The following AGBL3 variants were observed in gnomAD, a reference collection of about 807,000 sequenced individuals.
AGBL3 encodes cytosolic carboxypeptidase 3.
AGBL3 carries 68 observed loss-of-function variants against 94.5 expected under a neutral mutation model. The ratio of observed to expected loss-of-function variants is 0.72; its 90% CI spans 0.59 to 0.88. The LOEUF (loss-of-function observed/expected upper bound fraction) is 0.88. AGBL3 is among the 40% of genes least tolerant of loss of function. AGBL3 has a pLI of 0.00. For synonymous variants in AGBL3, 354 were observed against 370.7 expected (o/e 0.95, Z 0.52); for missense variants, 934 against 1,103.8 (o/e 0.85, Z 2.18).
chr7:135,092,903 TTAA>T (rs1822063592), intron 15 of AGBL3: 1 of 151,992 alleles, frequency 6.6e-6, no homozygotes, highest in Non-Finnish European at 1.5e-5. Flanking sequence ...ATATACCATG[TTAA>T]TAGAATATAA....
intron 3 of AGBL3, among the ~76,000 whole-genome samples, chr7:134,991,492 A>T (rs1032841062): frequency 1.3e-5 from 2 of 152,044 alleles, no homozygotes; most frequent in Non-Finnish European, 2.9e-5. Context: ...AGAATTTCTC[A>T]ACCTCTACAC....
chr7:135,051,731 T>C (rs1584948492), intron 11 of AGBL3, among the ~76,000 whole-genome samples: 1 of 152,132 alleles, frequency 6.6e-6, no homozygotes, highest in African/African-American at 2.4e-5. Context: ...TGTATCTCCC[T>C]TCTCTTATAC....
At chr7:135,089,746 T>C (rs980368220) in intron 15 of AGBL3, among the ~76,000 whole-genome samples, 1 of 152,190 alleles carries the variant, frequency 6.6e-6, no homozygotes, top group Non-Finnish European at 1.5e-5. Context: ...GTTTTCCCCA[T>C]AGTGGGAAGA....
chr7:135,032,881 G>A lies in AGBL3; in HGVS notation c.456G>A (p.Gly152=). The A allele has an allele frequency of 3.2e-6, 5 of 1,550,726 alleles. No individual in the cohort carries two copies. Among genetic ancestry groups the A allele is most frequent in the Non-Finnish European group, 4.4e-6 (5 of 1,146,556 alleles). Reference sequence around the variant, plus strand: ...CCTGTTTTGTGTATTCCCGAGTTGGGGGTAACCGAACACCTTTGAAGCAGC... The same window carrying A: ...CCTGTTTTGTGTATTCCCGAGTTGGAGGTAACCGAACACCTTTGAAGCAGC... ...KEPCFVYSRV[G]GNRTPLKQPV... Residue 152 remains glycine (G), a synonymous_variant, in exon 6 of 17, where the codon GGG becomes GGA. Coordinates refer to ENST00000436302, the MANE Select transcript of AGBL3 (RefSeq NM_178563.4).
chr7:135,073,916 TC>T (rs1343856472), intron 12 of AGBL3, among the ~76,000 whole-genome samples: 1 of 152,190 alleles, frequency 6.6e-6, no homozygotes, highest in African/African-American at 2.4e-5. Flanking sequence ...TTTACTTCTT[TC>T]TTTGGAGGCA....
intron 8 of AGBL3, among the ~76,000 whole-genome samples, chr7:135,041,841 A>G (rs1816887843): frequency 1.3e-5 from 2 of 152,318 alleles, no homozygotes; most frequent in African/African-American, 4.8e-5. Context: ...TAGTAATAAA[A>G]CAACCCAATT....
At chr7:135,048,080 G>A (rs1817540216) in intron 11 of AGBL3, among the ~76,000 whole-genome samples, 1 of 151,782 alleles carries the variant, frequency 6.6e-6, no homozygotes, top group Admixed American at 6.6e-5. Context: ...TGGATAGCCA[G>A]TTTCCCACCA....
chr7:135,023,574 G>C (rs545488114), intron 5 of AGBL3, among the ~76,000 whole-genome samples: 1 of 152,262 alleles, frequency 6.6e-6, no homozygotes, highest in South Asian at 2.1e-4. Flanking sequence ...TGGAGCCCAG[G>C]GGATTTTGCA....
At chr7:135,050,173 G>A (rs1817744721) in intron 11 of AGBL3, among the ~76,000 whole-genome samples, 1 of 151,582 alleles carries the variant, frequency 6.6e-6, no homozygotes, top group Non-Finnish European at 1.5e-5. Flanking sequence ...AAGATTCTGC[G>A]TTTAATTTCT....
Position 134,993,679 on chromosome 7 carries a change from G to C in AGBL3, c.310+1G>C, listed in dbSNP as rs1451134018. 1 of 1,544,440 alleles carries C rather than the reference G, an allele frequency of 6.5e-7. No individual in the cohort carries two copies. The highest frequency in any genetic ancestry group is 1.4e-5 in the African/African-American group (1 of 72,832). ...ATCGATGAAAAAGTCCAGCATATTGGTATGTTTTTAGCAGTTTGGGGGATT... is the reference window on the plus strand; with the variant it reads ...ATCGATGAAAAAGTCCAGCATATTGCTATGTTTTTAGCAGTTTGGGGGATT... On this transcript the variant is annotated splice_donor_variant, in intron 4 of 16. Transcript: ENST00000436302. LOFTEE classifies it high-confidence loss of function.
At chr7:135,115,049 A>G (rs1404262090) in intron 15 of AGBL3, among the ~76,000 whole-genome samples, 1 of 152,166 alleles carries the variant, frequency 6.6e-6, no homozygotes, top group African/African-American at 2.4e-5. Flanking sequence ...GTCTCGAATT[A>G]TCTTTCCCCT....
At chr7:135,055,649 T>C (rs1818279253) in intron 11 of AGBL3, among the ~76,000 whole-genome samples, 1 of 152,190 alleles carries the variant, frequency 6.6e-6, no homozygotes, top group Non-Finnish European at 1.5e-5. Flanking sequence ...TTATTCCTTG[T>C]TGTACTCAAT....
chr7:135,029,354 C>T (rs900641435), intron 5 of AGBL3, among the ~76,000 whole-genome samples: 9 of 152,222 alleles, frequency 5.9e-5, no homozygotes, highest in Non-Finnish European at 8.8e-5. Flanking sequence ...TTAGCTAGAA[C>T]TGGACAACTT....
intron 4 of AGBL3, among the ~76,000 whole-genome samples, chr7:135,008,368 A>G (rs1812667516): frequency 6.6e-6 from 1 of 152,126 alleles, no homozygotes; most frequent in Middle Eastern, 3.2e-3. Context: ...GGATGGCAAG[A>G]CTATTCAATA....
At chr7:135,098,112 G>T (rs79771635) in intron 15 of AGBL3, among the ~76,000 whole-genome samples, 1 of 152,098 alleles carries the variant, frequency 6.6e-6, no homozygotes, top group East Asian at 1.9e-4. Context: ...ACCAAAATAG[G>T]TCTACAGATA....
At chr7:135,042,782 G>A (rs1445362321) in intron 8 of AGBL3, among the ~76,000 whole-genome samples, 1 of 152,120 alleles carries the variant, frequency 6.6e-6, no homozygotes, top group African/African-American at 2.4e-5. Flanking sequence ...ATGGTGGTAA[G>A]TGCCTGTGGT....
intron 11 of AGBL3, among the ~76,000 whole-genome samples, chr7:135,057,864 G>T (rs1818475344): frequency 6.6e-6 from 1 of 152,132 alleles, no homozygotes; most frequent in African/African-American, 2.4e-5. Context: ...GAAAATGTAA[G>T]TCTGAAAAGG....
intron 5 of AGBL3, among the ~76,000 whole-genome samples, chr7:135,018,688 CAAAA>C (rs927562988): frequency 4.0e-5 from 6 of 151,524 alleles, no homozygotes; most frequent in South Asian, 2.1e-4. Context: ...TTACAAATGA[CAAAA>C]AAGAAGAGTA....
chr7:135,100,954 T>C (rs1243070551), intron 15 of AGBL3, among the ~76,000 whole-genome samples: 7 of 152,206 alleles, frequency 4.6e-5, no homozygotes, highest in Non-Finnish European at 1.0e-4. Context: ...GCACCAAGTA[T>C]GATAGTGTAT....
Sources: gnomAD v4.1 joint callset for allele counts (sites outside exome capture counted in the v4.1 genomes callset) on GRCh38, gnomAD v4.1.1 for gene constraint, MANE v1.5 for transcripts, NCBI Gene and HGNC (gene_info 2026-07-23, HGNC 2026-07-21) for gene names.